RSRC1: variants seen among roughly 807,000 people sequenced by gnomAD.
RSRC1 encodes serine/Arginine-related protein 53.
Under a neutral mutation model 49.1 loss-of-function variants are expected in RSRC1, and 39 were observed. That is an observed-to-expected ratio of 0.79 (90% CI 0.61 to 1.04). The LOEUF is 1.04. RSRC1 is among the 50% of genes least tolerant of loss of function. The pLI is 0.00. For synonymous variants in RSRC1, 143 were observed against 130.8 expected, an observed-to-expected ratio of 1.09 and a Z score of -0.63; for missense variants, 388 against 402.4, an observed-to-expected ratio of 0.96 and a Z score of 0.31.
At chr3:158,406,385 A>G (rs1734164079) in intron 6 of RSRC1, among the ~76,000 whole-genome samples, 1 of 152,154 alleles carries the variant, frequency 6.6e-6, no homozygotes. Flanking sequence ...TAAATTGAAA[A>G]GAATTTATCT....
chr3:158,295,584 ATAGT>A (rs948938078), intron 4 of RSRC1, among the ~76,000 whole-genome samples: 23 of 152,104 alleles, frequency 1.5e-4, no homozygotes, highest in Admixed American at 1.3e-4. Flanking sequence ...ATAGAAAGAA[ATAGT>A]TAGATCTAAT....
At chr3:158,154,993 C>T (rs1466850321) in intron 3 of RSRC1, among the ~76,000 whole-genome samples, 1 of 152,144 alleles carries the variant, frequency 6.6e-6, no homozygotes, top group Non-Finnish European at 1.5e-5. Flanking sequence ...TCTTCAGGCT[C>T]CACTTCTAAT....
intron 6 of RSRC1, among the ~76,000 whole-genome samples, chr3:158,424,750 T>C (rs1236315149): frequency 1.3e-5 from 2 of 152,166 alleles, no homozygotes; most frequent in East Asian, 1.9e-4. Flanking sequence ...ATTGCCACAA[T>C]TTCAGCTCCT....
chr3:158,455,736 T>C (rs1737274406), intron 6 of RSRC1, among the ~76,000 whole-genome samples: 1 of 151,970 alleles, frequency 6.6e-6, no homozygotes, highest in South Asian at 2.1e-4. Flanking sequence ...TCCCAGCACT[T>C]TGGGAGGCCG....
intron 5 of RSRC1, among the ~76,000 whole-genome samples, chr3:158,311,247 G>C (rs1037800537): frequency 4.6e-5 from 7 of 151,600 alleles, no homozygotes; most frequent in Admixed American, 4.6e-4. Flanking sequence ...ATTCCTTACG[G>C]TTAAACTCAT....
chr3:158,178,801 A>G (rs1423363522), intron 3 of RSRC1, among the ~76,000 whole-genome samples: 2 of 152,066 alleles, frequency 1.3e-5, no homozygotes, highest in Non-Finnish European at 1.5e-5. Flanking sequence ...TGTTTGTTCC[A>G]GTTTGCTTCT....
intron 5 of RSRC1, among the ~76,000 whole-genome samples, chr3:158,325,563 G>C (rs1487620036): frequency 6.6e-6 from 1 of 151,982 alleles, no homozygotes; most frequent in Non-Finnish European, 1.5e-5. Context: ...ATTTCTGAGG[G>C]CTCTATTCTG....
In RSRC1 at chr3:158,524,679, G is replaced by T. The variant is rs79839967; in HGVS notation, c.653-12413G>T. Among the ~76,000 whole-genome samples, 3 of 151,980 alleles carry T rather than the reference G, an allele frequency of 2.0e-5. No homozygotes were observed. The East Asian group carries it at 5.8e-4, about 30-fold the overall frequency. ...TTTTTCTATAATGTACATTTTCCAT[G>T]AACTTTTTAAGACCCCTTATATAGA... is the stretch of plus-strand genomic sequence containing the variant. On this transcript the variant is annotated intron_variant, in intron 7 of 9. Transcript: ENST00000611884.
intron 4 of RSRC1, among the ~76,000 whole-genome samples, chr3:158,237,370 T>C (rs184858539): frequency 3.5e-4 from 53 of 152,206 alleles, no homozygotes; most frequent in Admixed American, 2.7e-3. Flanking sequence ...GTGGAATGGG[T>C]GGGTTTGATA....
chr3:158,357,575 C>T (rs1038115163), intron 6 of RSRC1, among the ~76,000 whole-genome samples: 4 of 152,046 alleles, frequency 2.6e-5, no homozygotes, highest in African/African-American at 9.7e-5. Flanking sequence ...GGGAAGAGTA[C>T]ATAGCTAACT....
intron 4 of RSRC1, among the ~76,000 whole-genome samples, chr3:158,217,697 T>G (rs1722023029): frequency 6.7e-6 from 1 of 149,796 alleles, no homozygotes; most frequent in African/African-American, 2.4e-5. Context: ...TGGAGATTCA[T>G]TCCATGGTGA....
chr3:158,404,112 A>G (rs1199114226), intron 6 of RSRC1, among the ~76,000 whole-genome samples: 2 of 151,908 alleles, frequency 1.3e-5, no homozygotes, highest in African/African-American at 4.8e-5. Flanking sequence ...TTTCAAGGCC[A>G]TGAATTTTTC....
chr3:158,505,819 T>C (rs1384157573), intron 7 of RSRC1, among the ~76,000 whole-genome samples: 5 of 147,872 alleles, frequency 3.4e-5, no homozygotes, highest in Non-Finnish European at 7.5e-5. Context: ...GAACAGCATT[T>C]GTGAAACCTG....
chr3:158,186,614 G>T (rs1301160799), intron 3 of RSRC1, among the ~76,000 whole-genome samples: 1 of 151,950 alleles, frequency 6.6e-6, no homozygotes, highest in African/African-American at 2.4e-5. Flanking sequence ...ATGAGAAACA[G>T]ATTGGAAAGT....
intron 7 of RSRC1, among the ~76,000 whole-genome samples, chr3:158,516,040 T>G (rs1340673830): frequency 2.0e-5 from 3 of 152,152 alleles, no homozygotes; most frequent in Admixed American, 2.0e-4. Flanking sequence ...TGCCTTTGGT[T>G]TGAATGTCCT....
intron 7 of RSRC1, among the ~76,000 whole-genome samples, chr3:158,527,435 AT>A (rs1712110176): frequency 6.6e-6 from 1 of 151,952 alleles, no homozygotes; most frequent in Non-Finnish European, 1.5e-5. Flanking sequence ...TATAAGCAGA[AT>A]ACATCTTGTT....
At chr3:158,434,614 C>T (rs760195030) in intron 6 of RSRC1, among the ~76,000 whole-genome samples, 6 of 151,882 alleles carry the variant, frequency 4.0e-5, no homozygotes, top group Non-Finnish European at 7.4e-5. Context: ...CGCCACCTAG[C>T]GAAACTCGGG....
At chr3:158,417,510 A>C (rs759757272) in intron 6 of RSRC1, among the ~76,000 whole-genome samples, 1 of 152,040 alleles carries the variant, frequency 6.6e-6, no homozygotes, top group Non-Finnish European at 1.5e-5. Context: ...AAAAGCCATT[A>C]TAATTTTCTG....
In RSRC1 at chr3:158,456,911, G is replaced by A. The variant is rs531580820; in HGVS notation, c.584-4024G>A. ...TTGTATGAAGGGTTTTAAATGGTAT[G>A]TGAAGGATTTTAGGGGTGTGCGTGT... On this transcript the variant is annotated intron_variant, in intron 6 of 9. Coordinates refer to ENST00000611884, the MANE Select transcript of RSRC1 (RefSeq NM_001271838.2). Among the ~76,000 whole-genome samples the A allele has an allele frequency of 5.3e-5, 8 of 152,254 alleles. No individual in the cohort carries two copies. In the East Asian group the frequency reaches 1.5e-3, roughly 29 times the overall value.
Sources: gnomAD v4.1 joint callset for allele counts (sites outside exome capture counted in the v4.1 genomes callset) on GRCh38, gnomAD v4.1.1 for gene constraint, MANE v1.5 for transcripts, NCBI Gene and HGNC (gene_info 2026-07-23, HGNC 2026-07-21) for gene names.